Variants in SS18 observed in about 807,000 individuals in gnomAD.
SS18 encodes the protein protein SSXT.
In SS18, 28 loss-of-function variants were observed where a neutral mutation model predicts 72.5. The ratio of observed to expected loss-of-function variants is 0.39; its 90% CI spans 0.29 to 0.53. The LOEUF is 0.53. SS18 is among the 20% of genes least tolerant of loss of function. The pLI is 0.76. For missense variants in SS18, 518 were observed against 535.3 expected, an observed-to-expected ratio of 0.97 and a Z score of 0.32; for synonymous variants, 172 against 164.2, an observed-to-expected ratio of 1.05 and a Z score of -0.37.
rs1348972379 is a variant in SS18, at chr18:26,038,570, G to T, written c.865C>A (p.Gln289Lys). 1 of 1,613,208 alleles carries T rather than the reference G, an allele frequency of 6.2e-7. No individual in the cohort carries two copies. The highest frequency in any genetic ancestry group is 1.1e-5 in the South Asian group (1 of 91,054). Reference protein sequence around the residue: ...GQGPPEGMNQQYYPDGHNDYG... With the variant: ...GQGPPEGMNQKYYPDGHNDYG... ...GAGAGATTACCATCAGGGTAATATTGCTGGTTCATGCCTTCTGGAGGACCT... is the reference window on the plus strand; with the variant it reads ...GAGAGATTACCATCAGGGTAATATTTCTGGTTCATGCCTTCTGGAGGACCT... Residue 289 changes from glutamine to lysine, a missense_variant, in exon 7 of 11, where the codon CAA becomes AAA. Gln to Lys is a moderately conservative substitution (Grantham distance 53). Transcript: ENST00000415083.
intron 3 of SS18, among the ~76,000 whole-genome samples, chr18:26,057,984 CATTT>C (rs1286896952): frequency 2.0e-5 from 3 of 152,052 alleles, no homozygotes; most frequent in African/African-American, 2.4e-5. Context: ...AAAAAATTCT[CATTT>C]ATTTATATAT....
At chr18:26,029,998 A>G (rs1299276131) in intron 10 of SS18, among the ~76,000 whole-genome samples, 7 of 152,210 alleles carry the variant, frequency 4.6e-5, no homozygotes, top group African/African-American at 1.7e-4. Flanking sequence ...TTATCCACAC[A>G]GTATAGTCCC....
chr18:26,069,775 A>G (rs1361811774), intron 3 of SS18, among the ~76,000 whole-genome samples: 1 of 152,254 alleles, frequency 6.6e-6, no homozygotes, highest in Admixed American at 6.5e-5. Flanking sequence ...TCAAAGAAAC[A>G]TTAATGAATA....
intron 5 of SS18, among the ~76,000 whole-genome samples, chr18:26,043,161 C>G (rs768232533): frequency 1.3e-5 from 2 of 152,090 alleles, no homozygotes; most frequent in African/African-American, 4.8e-5. Flanking sequence ...ACATCAAGGA[C>G]CTTACCCAAA....
chr18:26,028,500 A>G (rs1166614332), intron 10 of SS18, among the ~76,000 whole-genome samples: 1 of 152,222 alleles, frequency 6.6e-6, no homozygotes, highest in Non-Finnish European at 1.5e-5. Context: ...GGACTTGTCC[A>G]TGAATGTTCA....
intron 3 of SS18, among the ~76,000 whole-genome samples, chr18:26,069,303 T>C (rs1288913873): frequency 6.6e-6 from 1 of 151,936 alleles, no homozygotes; most frequent in Admixed American, 6.6e-5. Flanking sequence ...TAAAAATCAT[T>C]CATGTTAAAC....
At position 26,018,302 on chromosome 18, in the gene SS18, G is replaced by A. The variant is rs2053283637; in HGVS notation, c.*52C>T. On this transcript the variant is annotated 3_prime_UTR_variant, in exon 11 of 11. Transcript: ENST00000415083. ...CACAGGGAGGTGTCCACAGTGCTGA[G>A]GTGACAATATGGCTGCTAATAGATA... 2.0e-6 allele frequency: 3 copies of A among 1,521,170 alleles called. No homozygotes were observed. In the Admixed American group the frequency reaches 5.0e-5, roughly 26 times the overall value. The allele number at this position is 1,521,170 out of a possible 1,614,324, so 94.2% of individuals were successfully genotyped here.
chr18:26,043,403 T>C (rs1226718527), intron 5 of SS18, among the ~76,000 whole-genome samples: 1 of 152,216 alleles, frequency 6.6e-6, no homozygotes, highest in Non-Finnish European at 1.5e-5. Context: ...ACTCCATAGA[T>C]AATACCCTCC....
At chr18:26,065,692 GA>G (rs1325058607) in intron 3 of SS18, among the ~76,000 whole-genome samples, 1 of 149,912 alleles carries the variant, frequency 6.7e-6, no homozygotes, top group Non-Finnish European at 1.5e-5. Context: ...CTGTTCATCA[GA>G]CACCACAGAG....
At chr18:26,051,153 T>C (rs1259388313) in intron 5 of SS18, among the ~76,000 whole-genome samples, 1 of 152,032 alleles carries the variant, frequency 6.6e-6, no homozygotes, top group Non-Finnish European at 1.5e-5. Flanking sequence ...CTGGGCAACA[T>C]ACCAAGACAT....
intron 9 of SS18, among the ~76,000 whole-genome samples, chr18:26,032,903 G>A (rs931420877): frequency 2.0e-5 from 3 of 152,118 alleles, no homozygotes; most frequent in African/African-American, 7.2e-5. Context: ...GCAAGAGGCA[G>A]ATTCAAAGAA....
Position 26,017,228 on chromosome 18 carries a change from A to G in SS18, c.*1126T>C. Reference sequence around the variant, plus strand: ...ACCTCATCAATAAGCATTTTCCTAAATATCTCTTTGTGTTATATCAACCAA... The same window carrying G: ...ACCTCATCAATAAGCATTTTCCTAAGTATCTCTTTGTGTTATATCAACCAA... On this transcript the variant is annotated 3_prime_UTR_variant, in exon 11 of 11. Transcript: ENST00000415083. The G allele has an allele frequency of 5.0e-6, 1 of 199,844 alleles. No individual in the cohort carries two copies. The highest frequency in any genetic ancestry group is 1.0e-5 in the Non-Finnish European group (1 of 96,884). 12.4% of individuals were successfully genotyped at this position (199,844 alleles called of 1,614,324 possible).
chr18:26,048,015 T>C (rs890213485), intron 5 of SS18, among the ~76,000 whole-genome samples: 1 of 152,058 alleles, frequency 6.6e-6, no homozygotes, highest in Non-Finnish European at 1.5e-5. Flanking sequence ...ATAGAAAACA[T>C]GCAAACAGCA....
At chr18:26,038,872 T>C (rs111379182) in intron 6 of SS18, among the ~76,000 whole-genome samples, 279 of 152,254 alleles carry the variant, frequency 1.8e-3, no homozygotes, top group Middle Eastern at 6.8e-3. Context: ...GTTAAGACCA[T>C]ACATGCAGTA....
At chr18:26,073,953 A>G (rs905171316) in intron 3 of SS18, among the ~76,000 whole-genome samples, 1 of 152,174 alleles carries the variant, frequency 6.6e-6, no homozygotes, top group Non-Finnish European at 1.5e-5. Context: ...GAGCAAGAAA[A>G]TCAACTAATA....
At chr18:26,052,563 C>T in intron 5 of SS18, 61 bp downstream of exon 5, 1 of 1,347,882 alleles carries the variant, frequency 7.4e-7, no homozygotes, top group African/African-American at 1.4e-5. Flanking sequence ...TGACAACAAT[C>T]ATTTTACTTT....
chr18:26,090,359 G>C (rs984490522), intron 1 of SS18, 142 bp downstream of exon 1: 1 of 791,130 alleles, frequency 1.3e-6, no homozygotes, highest in African/African-American at 1.8e-5. Flanking sequence ...ACAGCCAGCA[G>C]TCCGTGTTCC....
Position 26,039,290 on chromosome 18 carries a change from C to T in SS18, c.774G>A (p.Gln258=), listed in dbSNP as rs2053681949. The change falls in exon 6 of 11, where the codon CAG becomes CAA. Residue 258 remains glutamine, a splice_region_variant and synonymous_variant. Transcript: ENST00000415083. The stretch of plus-strand genomic sequence containing the variant: ...CAAATTTTCCAAATGGAATCTTACC[C>T]TGTTGAGGAGGTCTATAGGGAGGAA... ...RQIPPYRPPQ[Q]GPPQQYSGQE... 2 of 1,603,988 alleles carry T rather than the reference C, an allele frequency of 1.2e-6. No homozygotes were observed. The highest frequency in any genetic ancestry group is 1.3e-5 in the African/African-American group (1 of 74,768).
At chr18:26,049,547 C>A (rs2053885833) in intron 5 of SS18, among the ~76,000 whole-genome samples, 1 of 152,154 alleles carries the variant, frequency 6.6e-6, no homozygotes. Flanking sequence ...CGGTCTTGCT[C>A]TGTCACCCAA....
Sources: allele counts gnomAD v4.1 joint callset (sites outside exome capture counted in the v4.1 genomes callset), GRCh38; gene constraint gnomAD v4.1.1; transcripts MANE v1.5; gene names NCBI Gene and HGNC (gene_info 2026-07-23, HGNC 2026-07-21).